CCDC40: variants seen among roughly 807,000 people sequenced by gnomAD.
CCDC40 encodes coiled-coil domain 40 molecular ruler complex subunit.
A neutral mutation model predicts 124.5 loss-of-function variants in CCDC40; 104 were observed. The observed-to-expected ratio is 0.84, with a 90% CI of 0.71 to 0.98. CCDC40 has a LOEUF of 0.98. Among genes scored for constraint, CCDC40 ranks in the 50% least tolerant of loss-of-function variants. CCDC40 has a pLI of 0.00. For synonymous variants in CCDC40, 580 were observed against 602.9 expected, an observed-to-expected ratio of 0.96 and a Z score of 0.56; for missense variants, 1,463 against 1,503.9, an observed-to-expected ratio of 0.97 and a Z score of 0.45.
chr17:80,099,118 TAA>T (rs374247833), intron 19 of CCDC40, among the ~76,000 whole-genome samples: 60 of 140,946 alleles, frequency 4.3e-4, no homozygotes, highest in Non-Finnish European at 3.4e-4. Flanking sequence ...CTGTCTCTAC[TAA>T]AAAAAAAAAA....
Position 80,048,979 on chromosome 17 carries a change from A to C in CCDC40, c.855+218A>C, listed in dbSNP as rs28484809. ...TGAGGCCTGTGTTTCTCAACCCCGG[A>C]ACCACTGCCCCGTGGGGCCGGGTCA... On this transcript the variant is annotated intron_variant, in intron 5 of 19. Coordinates refer to ENST00000397545, the MANE Select transcript of CCDC40 (RefSeq NM_017950.4). 0.32 allele frequency among the ~76,000 whole-genome samples: 48,550 copies of C among 151,960 alleles called. 10,530 individuals carry two copies. Among genetic ancestry groups the C allele is most frequent in the African/African-American group, 0.62 (25,774 of 41,414 alleles).
rs371360520 is a variant in CCDC40, at chr17:80,086,078, G to A, written c.2311G>A (p.Val771Ile). ...GATCGACGAGCACGATGGCAAGGCG[G>A]TCCAGGCCCAGGTGACCTGGCTGCG... ...KLIDEHDGKA[V>I]QAQVTWLRLQ... Residue 771 changes from valine (V) to isoleucine (I), a missense_variant, in exon 14 of 20, where the codon GTC becomes ATC. By Grantham distance (29) the Val-to-Ile change is conservative. Transcript: ENST00000397545. The surrounding 1 kb of genome is among the most constrained non-coding windows in gnomAD (Gnocchi z 5.5). The A allele has an allele frequency of 7.4e-6, 12 of 1,614,050 alleles. No individual in the cohort carries two copies. In the African/African-American group the frequency reaches 1.5e-4, roughly 20 times the overall value.
chr17:80,042,149 C>T (rs1417932054), intron 3 of CCDC40, among the ~76,000 whole-genome samples: 2 of 152,088 alleles, frequency 1.3e-5, no homozygotes, highest in Non-Finnish European at 2.9e-5. Flanking sequence ...GATGTAGTCT[C>T]GCTCTGTCAC....
chr17:80,069,511 C>A (rs973190076), intron 10 of CCDC40, among the ~76,000 whole-genome samples: 1 of 151,890 alleles, frequency 6.6e-6, no homozygotes, highest in Non-Finnish European at 1.5e-5. Flanking sequence ...TTTGGGAGGC[C>A]GAGGCGGGCA....
chr17:80,059,032 C>G, intron 9 of CCDC40, 52 bp downstream of exon 9: 1 of 1,609,990 alleles, frequency 6.2e-7, no homozygotes, highest in Non-Finnish European at 8.5e-7. Context: ...TGAGTGTCCA[C>G]GCACAGGGTG....
chr17:80,086,192 G>C lies in CCDC40; in HGVS notation c.2425G>C (p.Glu809Gln), dbSNP rs1453604467. ...DASKKELHIM[E>Q]QKKLRVESKI... ...ATCCAAGAAGGAGCTCCACATCATG[G>C]AGCAGAAGAAACTACGAGTAGAAAG... The change falls in exon 14 of 20, where the codon GAG (glutamate) becomes CAG (glutamine). Residue 809 changes from glutamate to glutamine, a missense_variant. Transcript: ENST00000397545. This position sits in a 1 kb window ranked among gnomAD's most constrained non-coding sequence, Gnocchi z 5.5. 1.9e-6 allele frequency: 3 copies of C among 1,611,678 alleles called. No homozygotes were observed. Among genetic ancestry groups the C allele is most frequent in the African/African-American group, 2.7e-5 (2 of 74,868 alleles).
chr17:80,047,394 A>C lies in CCDC40; in HGVS notation c.668A>C (p.Gln223Pro). Residue 223 changes from glutamine (Q) to proline (P), a missense_variant, in exon 4 of 20, where the codon CAG becomes CCG. Gln to Pro is a moderately conservative substitution (Grantham distance 76, BLOSUM62 -1). Coordinates refer to ENST00000397545, the MANE Select transcript of CCDC40 (RefSeq NM_017950.4). Reference sequence around the variant, plus strand: ...TCAGACCTGGAGGAGTTCGTCTCGCAGGAGCCAGGTGCCACCCACCTGCTG... The same window carrying C: ...TCAGACCTGGAGGAGTTCGTCTCGCCGGAGCCAGGTGCCACCCACCTGCTG... ...ESSDLEEFVS[Q>P]EPVIPPGVPD... 1.2e-6 allele frequency: 2 copies of C among 1,612,430 alleles called. No individual in the cohort carries two copies. Among genetic ancestry groups the C allele is most frequent in the Non-Finnish European group, 1.7e-6 (2 of 1,179,470 alleles).
rs765878091 is a variant in CCDC40 at position 80,099,658 on chromosome 17, G to A, written c.3312G>A (p.Leu1104=). The change falls in exon 20 of 20, where the codon CTG becomes CTA. Residue 1104 remains leucine, a synonymous_variant. Transcript: ENST00000397545. ...VLERQRLDKR[L]ALIATILDRV... is the part of the protein sequence containing the mutation. The stretch of plus-strand genomic sequence containing the variant: ...AGCGCCAGCGCCTGGACAAGCGACT[G>A]GCTCTCATCGCCACCATCCTGGACC... 5 of 1,613,876 alleles carry A rather than the reference G, an allele frequency of 3.1e-6. No homozygotes were observed. Among genetic ancestry groups the A allele is most frequent in the South Asian group, 1.1e-5 (1 of 91,082 alleles).
intron 10 of CCDC40, among the ~76,000 whole-genome samples, chr17:80,075,502 T>C (rs1304534627): frequency 2.0e-5 from 3 of 152,184 alleles, no homozygotes; most frequent in Non-Finnish European, 4.4e-5. Flanking sequence ...AAGTCCCCGC[T>C]CATGGTCAGG....
At chr17:80,057,241 A>G (rs1486577106) in intron 7 of CCDC40, among the ~76,000 whole-genome samples, 1 of 151,688 alleles carries the variant, frequency 6.6e-6, no homozygotes, top group Non-Finnish European at 1.5e-5. Flanking sequence ...ACGTGCACCA[A>G]CACATCCTGT....
chr17:80,098,482 C>G (rs1471694136), intron 19 of CCDC40, among the ~76,000 whole-genome samples: 1 of 152,240 alleles, frequency 6.6e-6, no homozygotes, highest in East Asian at 1.9e-4. Flanking sequence ...CCATCAGGCT[C>G]TGCATATGCG....
intron 10 of CCDC40, chr17:80,065,950 A>T: frequency 1.6e-6 from 1 of 618,114 alleles, no homozygotes; most frequent in East Asian, 2.7e-5. Flanking sequence ...CGGAAACCCC[A>T]TCCCTTCTCG....
Position 80,099,696 on chromosome 17 carries a change from A to G in CCDC40, c.3350A>G (p.Glu1117Gly), listed in dbSNP as rs1458933909. Residue 1117 changes from glutamate (E) to glycine (G), a missense_variant, in exon 20 of 20, where the codon GAG (glutamate) becomes GGG (glycine). Coordinates refer to ENST00000397545, the MANE Select transcript of CCDC40 (RefSeq NM_017950.4). ...IATILDRVRD[E>G]YPQFQEALHK... Reference sequence around the variant, plus strand: ...ACCATCCTGGACCGCGTGCGGGACGAGTACCCCCAGTTCCAGGAGGCCCTG... The same window carrying G: ...ACCATCCTGGACCGCGTGCGGGACGGGTACCCCCAGTTCCAGGAGGCCCTG... 1 of 1,613,880 alleles carries G rather than the reference A, an allele frequency of 6.2e-7. No individual in the cohort carries two copies. The highest frequency in any genetic ancestry group is 1.3e-5 in the African/African-American group (1 of 75,038).
intron 3 of CCDC40, among the ~76,000 whole-genome samples, chr17:80,045,987 A>G (rs977342938): frequency 7.2e-5 from 11 of 152,076 alleles, no homozygotes; most frequent in Non-Finnish European, 1.6e-4. Flanking sequence ...TCCTGTGTCA[A>G]CTTTCATCTT....
chr17:80,056,010 A>ATTTTTTTTTT lies in CCDC40; in HGVS notation c.1160-2483_1160-2482insTTTTTTTTTT, dbSNP rs1326886577. On this transcript the variant is annotated intron_variant, in intron 7 of 19. Coordinates refer to ENST00000397545, the MANE Select transcript of CCDC40 (RefSeq NM_017950.4). The stretch of plus-strand genomic sequence containing the variant: ...TATATATATATATATATATATATAT[A>ATTTTTTTTTT]TATATATTTTTTTTTTTTTTTGGTA... Among the ~76,000 whole-genome samples, 62 of 13,766 alleles carry ATTTTTTTTTT rather than the reference A, an allele frequency of 4.5e-3. 5 individuals are homozygous for ATTTTTTTTTT. Among genetic ancestry groups the ATTTTTTTTTT allele is most frequent in the East Asian group, 6.8e-3 (2 of 292 alleles). The allele number at this position is 13,766 out of a possible 152,430, so 9.0% of individuals were successfully genotyped here. A position where few individuals can be genotyped will look rare whatever the true frequency, so the allele number is the denominator to read the frequency against.
At chr17:80,043,190 AC>A (rs1250877685) in intron 3 of CCDC40, among the ~76,000 whole-genome samples, 3 of 152,144 alleles carry the variant, frequency 2.0e-5, no homozygotes, top group Non-Finnish European at 4.4e-5. Context: ...GCCCATTTAA[AC>A]CAGCCTTTGT....
rs1018841270 is a variant in CCDC40 at position 80,099,853 on chromosome 17, T to C, written c.*78T>C. The stretch of plus-strand genomic sequence containing the variant: ...TGTTTGTCATGAGGGACTTGGAATC[T>C]TTTGTGTTCCTAAAAACCACATGTA... On this transcript the variant is annotated 3_prime_UTR_variant, in exon 20 of 20. Transcript: ENST00000397545. 7.8e-6 allele frequency: 12 copies of C among 1,540,252 alleles called. No individual in the cohort carries two copies. Among genetic ancestry groups the C allele is most frequent in the Non-Finnish European group, 1.1e-5 (12 of 1,130,290 alleles).
At chr17:80,073,929 G>T (rs1281134057) in intron 10 of CCDC40, among the ~76,000 whole-genome samples, 1 of 151,954 alleles carries the variant, frequency 6.6e-6, no homozygotes, top group Admixed American at 6.6e-5. Flanking sequence ...CAAATGATCT[G>T]CCTGCCTCGG....
In CCDC40 at chr17:80,050,229, G is replaced by A. The variant is rs371071557; in HGVS notation, c.1105G>A (p.Ala369Thr). The change falls in exon 7 of 20, where the codon GCC becomes ACC. Residue 369 changes from alanine (A) to threonine (T), a missense_variant. Physicochemically the swap from Ala to Thr is moderately conservative, Grantham distance 58 (BLOSUM62 0). Transcript: ENST00000397545. ...RRQKEEELQA[A>T]RALYTKTCAA... ...GCAGAAGGAGGAGGAGCTGCAGGCCGCCCGCGCTCTCTACACCAAGACCTG... is the reference window on the plus strand; with the variant it reads ...GCAGAAGGAGGAGGAGCTGCAGGCCACCCGCGCTCTCTACACCAAGACCTG... The A allele has an allele frequency of 6.3e-5, 101 of 1,600,476 alleles. No individual in the cohort carries two copies. In the Admixed American group the frequency reaches 7.4e-4, roughly 12 times the overall value.
Sources: gnomAD v4.1 joint callset for allele counts (sites outside exome capture counted in the v4.1 genomes callset) on GRCh38, gnomAD v4.1.1 for gene constraint, Gnocchi (gnomAD v3.1) non-coding constraint, MANE v1.5 for transcripts, NCBI Gene and HGNC (gene_info 2026-07-23, HGNC 2026-07-21) for gene names.